The following IL6 variants were observed in gnomAD, a reference collection of about 807,000 sequenced individuals.
IL6 encodes the protein interleukin-6.
In IL6, 5 loss-of-function variants were observed where a neutral mutation model predicts 18.0. The ratio of observed to expected loss-of-function variants is 0.28; its 90% confidence interval spans 0.15 to 0.58. The LOEUF is 0.58. IL6 is among the 20% of genes least tolerant of loss of function. The pLI is 0.90. For synonymous variants in IL6, 97 were observed against 95.1 expected, an observed-to-expected ratio of 1.02 and a Z score of -0.12; for missense variants, 266 against 251.0, an observed-to-expected ratio of 1.06 and a Z score of -0.40.
In IL6 at chr7:22,729,717, T is replaced by C. The variant is rs766533471; in HGVS notation, c.471+57T>C. On this transcript the variant is annotated intron_variant, in intron 4 of 4. Transcript: ENST00000258743. The stretch of plus-strand genomic sequence containing the variant: ...TGGGGGAAGACAGGCTCAAAGACAG[T>C]GTCCTGGACAACTCAGGGATGCAAT... 25 of 1,613,084 alleles carry C rather than the reference T, an allele frequency of 1.5e-5. No individual in the cohort carries two copies. The South Asian group carries it at 2.2e-4, about 14-fold the overall frequency.
In IL6 at chr7:22,729,509, C is replaced by G. The variant is rs1165539665; in HGVS notation, c.325-5C>G. ...AACCAATTTTCCCACCATCTTTCCT[C>G]TTAGGAGACTTGCCTGGTGAAAATC... On this transcript the variant is annotated splice_region_variant and splice_polypyrimidine_tract_variant and intron_variant, in intron 3 of 4. Coordinates refer to ENST00000258743, the MANE Select transcript of IL6 (RefSeq NM_000600.5). 1.2e-6 allele frequency: 2 copies of G among 1,611,932 alleles called. No individual in the cohort carries two copies. The highest frequency in any genetic ancestry group is 1.7e-6 in the Non-Finnish European group (2 of 1,178,526).
Position 22,728,701 on chromosome 7 carries a change from C to A in IL6, c.219C>A (p.Asn73Lys). 2 of 1,596,760 alleles carry A rather than the reference C, an allele frequency of 1.3e-6. No individual in the cohort carries two copies. The highest frequency in any genetic ancestry group is 1.7e-6 in the Non-Finnish European group (2 of 1,164,176). Residue 73 changes from asparagine to lysine, a missense_variant, in exon 3 of 5, where the codon AAC (asparagine) becomes AAA (lysine). By Grantham distance (94) the Asn-to-Lys change is moderately conservative (BLOSUM62 0). Transcript: ENST00000258743. ...GISALRKETC[N>K]KSNMCESSKE... The stretch of plus-strand genomic sequence containing the variant: ...CTGGTATTCTTTCCCAGACATGTAA[C>A]AAGAGTAACATGTGTGAAAGCAGCA...
At position 22,731,578 on chromosome 7, in the gene IL6, G is replaced by T. The variant is rs750089674; in HGVS notation, c.*5G>T. ...AGGGCTCTTCGGCAAATGTAGCATG[G>T]GCACCTCAGATTGTTGTTGTTAATG... On this transcript the variant is annotated 3_prime_UTR_variant, in exon 5 of 5. Coordinates refer to ENST00000258743, the MANE Select transcript of IL6 (RefSeq NM_000600.5). 2 of 1,584,662 alleles carry T rather than the reference G, an allele frequency of 1.3e-6. No homozygotes were observed. The highest frequency in any genetic ancestry group is 2.7e-5 in the African/African-American group (2 of 74,424).
rs1484140975 is a variant in IL6 at position 22,731,382 on chromosome 7, C to T, written c.472-24C>T. Reference sequence around the variant, plus strand: ...GGATTTATTCAACATTTAAACAATCCTTTTTACTTTCATTTTCCTTCAGGC... The same window carrying T: ...GGATTTATTCAACATTTAAACAATCTTTTTTACTTTCATTTTCCTTCAGGC... On this transcript the variant is annotated intron_variant, in intron 4 of 4. Transcript: ENST00000258743. 3 of 1,547,978 alleles carry T rather than the reference C, an allele frequency of 1.9e-6. No homozygotes were observed. The South Asian group carries it at 3.6e-5, about 18-fold the overall frequency.
In IL6 at chr7:22,731,595, T is replaced by C. The variant is rs765869669; in HGVS notation, c.*22T>C. ...GTAGCATGGGCACCTCAGATTGTTG[T>C]TGTTAATGGGCATTCCTTCTTCTGG... On this transcript the variant is annotated 3_prime_UTR_variant, in exon 5 of 5. Transcript: ENST00000258743. 24 of 1,555,120 alleles carry C rather than the reference T, an allele frequency of 1.5e-5. No homozygotes were observed. Among genetic ancestry groups the C allele is most frequent in the Non-Finnish European group, 2.0e-5 (23 of 1,140,750 alleles).
intron 1 of IL6, 66 bp from the exon 2 acceptor site, chr7:22,727,378 A>T: frequency 6.2e-7 from 1 of 1,613,256 alleles, no homozygotes; most frequent in Non-Finnish European, 8.5e-7. Context: ...GCGGGCGGCC[A>T]GCAGCAGAGG....
At chr7:22,730,908 G>T (rs1230717104) in intron 4 of IL6, among the ~76,000 whole-genome samples, 3 of 152,128 alleles carry the variant, frequency 2.0e-5, no homozygotes, top group Middle Eastern at 3.4e-3. Flanking sequence ...GATGCTTGTG[G>T]TCTAATGGGA....
Position 22,728,798 on chromosome 7 carries a change from T to C in IL6, c.316T>C (p.Phe106Leu). 6.3e-7 allele frequency: 1 copy of C among 1,596,906 alleles called. No individual in the cohort carries two copies. The highest frequency in any genetic ancestry group is 8.6e-7 in the Non-Finnish European group (1 of 1,164,258). The change falls in exon 3 of 5, where the codon TTC becomes CTC. Residue 106 changes from phenylalanine to leucine, a missense_variant. By Grantham distance (22) the Phe-to-Leu change is conservative. Coordinates refer to ENST00000258743, the MANE Select transcript of IL6 (RefSeq NM_000600.5). ...AEKDGCFQSGFNEETCLVKII... is the reference protein window; with the variant it reads ...AEKDGCFQSGLNEETCLVKII... ...AAAAGATGGATGCTTCCAATCTGGA[T>C]TCAATGAGGTACCAACTTGTCGCAC...
intron 3 of IL6, 24 bp from the exon 4 acceptor site, chr7:22,729,490 T>C (rs201509436): frequency 5.0e-4 from 808 of 1,603,864 alleles, no homozygotes; most frequent in Non-Finnish European, 6.5e-4. Context: ...CGATAACCAA[T>C]TTTCCCACCA....
chr7:22,731,662 T>C lies in IL6; in HGVS notation c.*89T>C, dbSNP rs201743553. On this transcript the variant is annotated 3_prime_UTR_variant, in exon 5 of 5. Transcript: ENST00000258743. ...TGGGCACAGAACTTATGTTGTTCTC[T>C]ATGGAGAACTAAAAGTATGAGCGTT... is the stretch of plus-strand genomic sequence containing the variant. 3.6e-6 allele frequency: 3 copies of C among 844,394 alleles called. No individual in the cohort carries two copies. The highest frequency in any genetic ancestry group is 5.0e-6 in the Non-Finnish European group (3 of 602,456). The allele number at this position is 844,394 out of a possible 1,614,324, so 52.3% of individuals were successfully genotyped here. A position where few individuals can be genotyped will look rare whatever the true frequency, so the allele number is the denominator to read the frequency against.
intron 4 of IL6, chr7:22,730,413 C>G: frequency 3.1e-6 from 1 of 327,266 alleles, no homozygotes; most frequent in Non-Finnish European, 4.4e-6. Context: ...AGGCTTATAT[C>G]CCTGGTGATG....
Position 22,727,428 on chromosome 7 carries a change from C to T in IL6, c.20-16C>T, listed in dbSNP as rs773127971. ...TGCTGTCAGCTCACCCCTGCGCTCG[C>T]TCCCCTCCGGCACAGGCGCCTTCGG... is the stretch of plus-strand genomic sequence containing the variant. On this transcript the variant is annotated splice_polypyrimidine_tract_variant and intron_variant, in intron 1 of 4. Coordinates refer to ENST00000258743, the MANE Select transcript of IL6 (RefSeq NM_000600.5). 6.8e-6 allele frequency: 11 copies of T among 1,613,724 alleles called. No individual in the cohort carries two copies. The South Asian group carries it at 1.2e-4, about 18-fold the overall frequency.
At position 22,731,426 on chromosome 7, in the gene IL6, A is replaced by T; in HGVS notation, c.492A>T (p.Ile164=). The change falls in exon 5 of 5, where the codon ATA becomes ATT. Residue 164 remains isoleucine (I), a synonymous_variant. Transcript: ENST00000258743. ...LQKKAKNLDA[I]TTPDPTTNAS... The stretch of plus-strand genomic sequence containing the variant: ...TTCAGGCAAAGAATCTAGATGCAAT[A>T]ACCACCCCTGACCCAACCACAAATG... The T allele has an allele frequency of 6.3e-7, 1 of 1,579,050 alleles. No homozygotes were observed. The highest frequency in any genetic ancestry group is 1.1e-5 in the South Asian group (1 of 87,458).
chr7:22,727,600 A>T lies in IL6; in HGVS notation c.176A>T (p.Tyr59Phe). The T allele has an allele frequency of 6.4e-7, 1 of 1,570,364 alleles. No individual in the cohort carries two copies. Among genetic ancestry groups the T allele is most frequent in the East Asian group, 2.2e-5 (1 of 44,568 alleles). ...GAACGAATTGACAAACAAATTCGGT[A>T]CATCCTCGACGGCATCTCAGCCCTG... The part of the protein sequence containing the change: ...SSERIDKQIR[Y>F]ILDGISALRK... The change falls in exon 2 of 5, where the codon TAC becomes TTC. Residue 59 changes from tyrosine to phenylalanine, a missense_variant. Physicochemically the swap from Tyr to Phe is conservative, Grantham distance 22 (BLOSUM62 3). Coordinates refer to ENST00000258743, the MANE Select transcript of IL6 (RefSeq NM_000600.5).
Position 22,727,512 on chromosome 7 carries a change from G to A in IL6, c.88G>A (p.Val30Ile), listed in dbSNP as rs1485376559. Reference sequence around the variant, plus strand: ...GTTGCCTGCTGCCTTCCCTGCCCCAGTACCCCCAGGAGAAGATTCCAAAGA... The same window carrying A: ...GTTGCCTGCTGCCTTCCCTGCCCCAATACCCCCAGGAGAAGATTCCAAAGA... ...LVLPAAFPAP[V>I]PPGEDSKDVA... The change falls in exon 2 of 5, where the codon GTA becomes ATA. Residue 30 changes from valine to isoleucine, a missense_variant. Transcript: ENST00000258743. 6 of 1,613,914 alleles carry A rather than the reference G, an allele frequency of 3.7e-6. No individual in the cohort carries two copies. Among genetic ancestry groups the A allele is most frequent in the Non-Finnish European group, 4.2e-6 (5 of 1,179,990 alleles).
rs142759801 is a variant in IL6 at position 22,727,515 on chromosome 7, C to A, written c.91C>A (p.Pro31Thr). 1.3e-3 allele frequency: 2,102 copies of A among 1,613,972 alleles called. 27 individuals are homozygous for A. In the African/African-American group the frequency reaches 0.024, roughly 18 times the overall value. ...VLPAAFPAPV[P>T]PGEDSKDVAA... is the part of the protein sequence containing the mutation. Reference sequence around the variant, plus strand: ...GCCTGCTGCCTTCCCTGCCCCAGTACCCCCAGGAGAAGATTCCAAAGATGT... The same window carrying A: ...GCCTGCTGCCTTCCCTGCCCCAGTAACCCCAGGAGAAGATTCCAAAGATGT... The change falls in exon 2 of 5, where the codon CCC (proline) becomes ACC (threonine). Residue 31 changes from proline (P) to threonine (T), a missense_variant. By Grantham distance (38) the Pro-to-Thr change is conservative. Transcript: ENST00000258743.
chr7:22,728,656 A>G lies in IL6; in HGVS notation c.211-37A>G, dbSNP rs115763844. 6.9e-4 allele frequency: 805 copies of G among 1,173,654 alleles called. 6 individuals are homozygous for G. The African/African-American group carries it at 8.6e-3, about 13-fold the overall frequency. The allele number at this position is 1,173,654 out of a possible 1,614,324, so 72.7% of individuals were successfully genotyped here. On this transcript the variant is annotated intron_variant, in intron 2 of 4. Coordinates refer to ENST00000258743, the MANE Select transcript of IL6 (RefSeq NM_000600.5). ...CCCTCTAGTGGTGTTTGTTTTAGGG[A>G]CACTTAGGTGATAACAATTCTGGTA...
At chr7:22,727,666 C>T (rs199611104) in intron 2 of IL6, 32 bp downstream of exon 2, 69 of 1,525,684 alleles carry the variant, frequency 4.5e-5, no homozygotes, top group Non-Finnish European at 6.0e-5. Context: ...GTTGAAGGGC[C>T]CGGTGCGCAT....
rs1362940639 is a variant in IL6 at position 22,727,522 on chromosome 7, G to T, written c.98G>T (p.Gly33Val). 1.2e-6 allele frequency: 2 copies of T among 1,613,860 alleles called. No individual in the cohort carries two copies. The highest frequency in any genetic ancestry group is 1.7e-6 in the Non-Finnish European group (2 of 1,179,910). ...GCCTTCCCTGCCCCAGTACCCCCAG[G>T]AGAAGATTCCAAAGATGTAGCCGCC... ...PAAFPAPVPP[G>V]EDSKDVAAPH... The change falls in exon 2 of 5, where the codon GGA (glycine) becomes GTA (valine). Residue 33 changes from glycine (G) to valine (V), a missense_variant. Gly to Val is a moderately radical substitution (Grantham distance 109, BLOSUM62 -3). Coordinates refer to ENST00000258743, the MANE Select transcript of IL6 (RefSeq NM_000600.5).
Sources: allele counts gnomAD v4.1 joint callset (sites outside exome capture counted in the v4.1 genomes callset), GRCh38; gene constraint gnomAD v4.1.1; transcripts MANE v1.5; gene names NCBI Gene and HGNC (gene_info 2026-07-23, HGNC 2026-07-21).